DCDC1: variants seen among roughly 807,000 people sequenced by gnomAD.
DCDC1 encodes doublecortin domain-containing protein 1.
In DCDC1, 200 loss-of-function variants were observed where a neutral mutation model predicts 178.3. That is an observed-to-expected ratio of 1.12 (90% CI 1.00 to 1.26). The LOEUF (loss-of-function observed/expected upper bound fraction) is 1.26, where lower values mean the gene tolerates loss of function less well. DCDC1 is among the 50% of genes most tolerant of loss of function. The pLI is 0.00. For missense variants in DCDC1, 1,983 were observed against 1,749.2 expected, an observed-to-expected ratio of 1.13 and a Z score of -2.38; for synonymous variants, 690 against 604.8, an observed-to-expected ratio of 1.14 and a Z score of -2.07.
chr11:31,070,367 G>A (rs1286187260), intron 18 of DCDC1, among the ~76,000 whole-genome samples: 2 of 151,936 alleles, frequency 1.3e-5, no homozygotes, highest in Non-Finnish European at 2.9e-5. Context: ...CACCCTAAAC[G>A]GACCTCTAAT....
chr11:31,083,802 G>A (rs1390361305), intron 17 of DCDC1, among the ~76,000 whole-genome samples: 2 of 152,144 alleles, frequency 1.3e-5, no homozygotes, highest in East Asian at 3.9e-4. Context: ...CTCTGTGCGT[G>A]CATGTGTGTG....
At chr11:31,210,108 C>T (rs1475597253) in intron 9 of DCDC1, among the ~76,000 whole-genome samples, 3 of 152,188 alleles carry the variant, frequency 2.0e-5, no homozygotes, top group African/African-American at 7.2e-5. Flanking sequence ...ATATTTCTTA[C>T]CATAAGTCAA....
At chr11:31,208,282 A>G (rs541912260) in intron 9 of DCDC1, among the ~76,000 whole-genome samples, 2 of 152,288 alleles carry the variant, frequency 1.3e-5, no homozygotes, top group Admixed American at 6.5e-5. Context: ...AATGGAGCCA[A>G]TGTTTTTGGC....
chr11:31,065,742 T>C (rs1956213506), intron 18 of DCDC1, among the ~76,000 whole-genome samples: 1 of 152,162 alleles, frequency 6.6e-6, no homozygotes, highest in African/African-American at 2.4e-5. Context: ...TAAATACAAA[T>C]GAAGCACATG....
chr11:31,201,272 T>C (rs938127842), intron 9 of DCDC1, among the ~76,000 whole-genome samples: 3 of 151,846 alleles, frequency 2.0e-5, no homozygotes, highest in Non-Finnish European at 4.4e-5. Flanking sequence ...AAATATGTAA[T>C]ATATTTAATA....
intron 9 of DCDC1, among the ~76,000 whole-genome samples, chr11:31,229,513 T>A (rs537008465): frequency 1.3e-5 from 2 of 152,236 alleles, no homozygotes; most frequent in Non-Finnish European, 2.9e-5. Context: ...AATATGTATA[T>A]GAAAATCTCA....
chr11:31,339,547 A>T (rs1240096793), intron 1 of DCDC1, among the ~76,000 whole-genome samples: 1 of 152,224 alleles, frequency 6.6e-6, no homozygotes, highest in Non-Finnish European at 1.5e-5. Context: ...TACCTGAATT[A>T]ACTCTCCAAT....
At chr11:31,225,882 T>C (rs2136714143) in intron 9 of DCDC1, among the ~76,000 whole-genome samples, 1 of 152,032 alleles carries the variant, frequency 6.6e-6, no homozygotes, top group Admixed American at 6.6e-5. Context: ...AACAAAGAAG[T>C]ACATTCCTAT....
At chr11:31,235,161 A>T (rs1324334146) in intron 9 of DCDC1, among the ~76,000 whole-genome samples, 1 of 152,120 alleles carries the variant, frequency 6.6e-6, no homozygotes, top group African/African-American at 2.4e-5. Context: ...TAACATTAGG[A>T]TGTCTGAGAA....
Position 31,103,626 on chromosome 11 carries a change from G to T in DCDC1, c.1877+18C>A. 1.3e-6 allele frequency: 1 copy of T among 755,036 alleles called. No individual in the cohort carries two copies. Among genetic ancestry groups the T allele is most frequent in the Non-Finnish European group, 2.4e-6 (1 of 414,518 alleles). The allele number at this position is 755,036 out of a possible 1,614,324, so 46.8% of individuals were successfully genotyped here. A position where few individuals can be genotyped will look rare whatever the true frequency, so the allele number is the denominator to read the frequency against. ...ATTACTTTAACCACATCTTTAACAAGATTACTTGTTAATTTACTTGCCACA... is the reference window on the plus strand; with the variant it reads ...ATTACTTTAACCACATCTTTAACAATATTACTTGTTAATTTACTTGCCACA... On this transcript the variant is annotated intron_variant, in intron 14 of 38. Transcript: ENST00000684477.
intron 3 of DCDC1, among the ~76,000 whole-genome samples, chr11:31,324,809 T>C (rs1319065794): frequency 1.3e-5 from 2 of 152,148 alleles, no homozygotes; most frequent in Admixed American, 6.5e-5. Flanking sequence ...CCAAGAGAAA[T>C]TACATTAAAT....
At chr11:31,300,156 G>A (rs1330627586) in intron 6 of DCDC1, among the ~76,000 whole-genome samples, 7 of 152,140 alleles carry the variant, frequency 4.6e-5, no homozygotes, top group Admixed American at 1.3e-4. Flanking sequence ...ACACCTGGCC[G>A]AGGTGTAAAC....
chr11:30,960,511 A>G (rs538458811), intron 20 of DCDC1, among the ~76,000 whole-genome samples: 23 of 152,300 alleles, frequency 1.5e-4, no homozygotes, highest in African/African-American at 5.5e-4. Flanking sequence ...ATGACAACAC[A>G]TGTGCACAAC....
chr11:31,134,986 A>AGC (rs1962943722), intron 10 of DCDC1, among the ~76,000 whole-genome samples: 1 of 152,186 alleles, frequency 6.6e-6, no homozygotes, highest in South Asian at 2.1e-4. Context: ...ACAGAGAGAG[A>AGC]GCCTATCTCT....
intron 9 of DCDC1, among the ~76,000 whole-genome samples, chr11:31,200,832 A>G (rs1290466330): frequency 6.6e-6 from 1 of 151,928 alleles, no homozygotes; most frequent in African/African-American, 2.4e-5. Context: ...TTATCTTATA[A>G]TGATATTTAA....
chr11:31,036,867 T>C (rs1000544099), intron 20 of DCDC1, among the ~76,000 whole-genome samples: 12 of 151,996 alleles, frequency 7.9e-5, no homozygotes, highest in African/African-American at 2.9e-4. Flanking sequence ...GGTATACTTA[T>C]TATATGATAA....
At chr11:31,118,340 CATTT>C (rs1960280416) in intron 11 of DCDC1, among the ~76,000 whole-genome samples, 1 of 152,052 alleles carries the variant, frequency 6.6e-6, no homozygotes, top group Non-Finnish European at 1.5e-5. Flanking sequence ...TATAATAAAA[CATTT>C]ATATTTTAAG....
At chr11:31,230,955 A>C (rs1334757814) in intron 9 of DCDC1, among the ~76,000 whole-genome samples, 2 of 151,796 alleles carry the variant, frequency 1.3e-5, no homozygotes, top group African/African-American at 2.4e-5. Context: ...GAAGTTATGA[A>C]ATTTTTTTGT....
Position 31,014,072 on chromosome 11 carries a change from C to T in DCDC1, c.2591+50397G>A, listed in dbSNP as rs147487887. ...GTCAAAACCCTAACATGCAATATGACCGTATTTGGAGACAGGGTCTTTAAG... is the reference window on the plus strand; with the variant it reads ...GTCAAAACCCTAACATGCAATATGATCGTATTTGGAGACAGGGTCTTTAAG... On this transcript the variant is annotated intron_variant, in intron 20 of 38. Coordinates refer to ENST00000684477, the MANE Select transcript of DCDC1 (RefSeq NM_001387274.1). Among the ~76,000 whole-genome samples, 72 of 152,180 alleles carry T rather than the reference C, an allele frequency of 4.7e-4. No individual in the cohort carries two copies. The East Asian group carries it at 0.012, about 25-fold the overall frequency.
Sources: allele counts gnomAD v4.1 joint callset (sites outside exome capture counted in the v4.1 genomes callset), GRCh38; gene constraint gnomAD v4.1.1; transcripts MANE v1.5; gene names NCBI Gene and HGNC (gene_info 2026-07-23, HGNC 2026-07-21).